Variants in GNA12 observed in about 807,000 individuals in gnomAD.
GNA12 encodes G protein subunit alpha 12.
A neutral mutation model predicts 26.0 loss-of-function variants in GNA12; 9 were observed. The ratio of observed to expected loss-of-function variants is 0.35; its 90% CI spans 0.21 to 0.60. The LOEUF is 0.60. Ranked by LOEUF, GNA12 falls within the 20% of genes least tolerant of loss-of-function variation. The pLI is 0.78. For missense variants in GNA12, 405 were observed against 525.8 expected (o/e 0.77, Z 2.25); for synonymous variants, 264 against 219.6 (o/e 1.20, Z -1.79).
chr7:2,799,339 T>A (rs1179995446), intron 1 of GNA12, among the ~76,000 whole-genome samples: 2 of 152,102 alleles, frequency 1.3e-5, no homozygotes, highest in African/African-American at 4.8e-5. Flanking sequence ...CAACACTTTG[T>A]GAGGCTGAGG....
intron 2 of GNA12, chr7:2,762,183 G>A (rs984538007): frequency 1.2e-5 from 2 of 163,430 alleles, no homozygotes; most frequent in Non-Finnish European, 2.6e-5. Context: ...GAGGTGGAGG[G>A]GTCAACCCAG....
At chr7:2,787,068 G>C (rs1387114770) in intron 2 of GNA12, among the ~76,000 whole-genome samples, 1 of 152,010 alleles carries the variant, frequency 6.6e-6, no homozygotes, top group Non-Finnish European at 1.5e-5. Context: ...GACAAGCGGT[G>C]GGCTCCCCAG....
chr7:2,800,766 G>T (rs940047944), intron 1 of GNA12, among the ~76,000 whole-genome samples: 1 of 152,170 alleles, frequency 6.6e-6, no homozygotes, highest in Admixed American at 6.5e-5. Context: ...AGTGGCAGTG[G>T]TGGACTGGAA....
At chr7:2,812,498 G>A (rs1327538040) in intron 1 of GNA12, among the ~76,000 whole-genome samples, 3 of 152,148 alleles carry the variant, frequency 2.0e-5, no homozygotes, top group Non-Finnish European at 4.4e-5. Flanking sequence ...GTGTGGTGGC[G>A]CATGCCTGTA....
Position 2,732,837 on chromosome 7 carries a change from C to T in GNA12, c.576+614G>A, listed in dbSNP as rs528965693. Among the ~76,000 whole-genome samples the T allele has an allele frequency of 9.8e-5, 15 of 152,336 alleles. 1 individual carries two copies. In the South Asian group the frequency reaches 2.7e-3, roughly 27 times the overall value. ...AAAAGGAGAGACATACAGATTAACA[C>T]TTAAGTGATCCTGACCAATGGCAAT... On this transcript the variant is annotated intron_variant, in intron 3 of 3. Transcript: ENST00000275364.
intron 2 of GNA12, among the ~76,000 whole-genome samples, chr7:2,779,963 A>T (rs1304235122): frequency 6.6e-6 from 1 of 151,266 alleles, no homozygotes; most frequent in African/African-American, 2.4e-5. Context: ...TTTCATAAAC[A>T]TATATAAAAA....
At chr7:2,764,942 A>G (rs1232962317) in intron 2 of GNA12, 3 of 152,246 alleles carry the variant, frequency 2.0e-5, no homozygotes, top group African/African-American at 7.2e-5. Context: ...GCGTTGAGGT[A>G]GGTCAACTGC....
At chr7:2,753,101 T>C (rs1246767163) in intron 2 of GNA12, among the ~76,000 whole-genome samples, 1 of 152,178 alleles carries the variant, frequency 6.6e-6, no homozygotes, top group African/African-American at 2.4e-5. Context: ...TTTCTGTTCC[T>C]ATAGTTTTGC....
intron 2 of GNA12, among the ~76,000 whole-genome samples, chr7:2,771,403 C>A (rs1409288787): frequency 6.6e-6 from 1 of 152,216 alleles, no homozygotes; most frequent in Non-Finnish European, 1.5e-5. Flanking sequence ...CAGCCAAGAT[C>A]ATGAGCAAAC....
intron 2 of GNA12, among the ~76,000 whole-genome samples, chr7:2,750,106 C>T (rs1246307155): frequency 2.0e-5 from 3 of 152,200 alleles, no homozygotes; most frequent in Admixed American, 6.5e-5. Context: ...CTATACCACA[C>T]ACTTCTGAAT....
At chr7:2,837,948 C>T (rs1477806922) in intron 1 of GNA12, among the ~76,000 whole-genome samples, 3 of 151,984 alleles carry the variant, frequency 2.0e-5, no homozygotes, top group African/African-American at 7.2e-5. Context: ...AGTAAACCAC[C>T]TGATGTGGCA....
At position 2,814,961 on chromosome 7, in the gene GNA12, G is replaced by A. The variant is rs749368685; in HGVS notation, c.310-19818C>T. The A allele has an allele frequency of 1.9e-5, 30 of 1,565,128 alleles. No individual in the cohort carries two copies. The Middle Eastern group carries it at 9.9e-4, about 52-fold the overall frequency. On this transcript the variant is annotated intron_variant, in intron 1 of 3. Transcript: ENST00000275364. Reference sequence around the variant, plus strand: ...ATGCCTACAATACAGTAGGCGCTCTGCACTCGGCATGGCTGACAAGGACGT... The same window carrying A: ...ATGCCTACAATACAGTAGGCGCTCTACACTCGGCATGGCTGACAAGGACGT...
intron 1 of GNA12, among the ~76,000 whole-genome samples, chr7:2,813,442 C>T (rs1202569967): frequency 6.6e-6 from 1 of 152,166 alleles, no homozygotes; most frequent in Non-Finnish European, 1.5e-5. Context: ...AACAGAAGTT[C>T]CCAGTCAGTG....
intron 3 of GNA12, 95 bp downstream of exon 3, chr7:2,733,356 T>TCCAG: frequency 1.0e-6 from 1 of 980,128 alleles, no homozygotes; most frequent in South Asian, 1.4e-5. Flanking sequence ...GGCCTGTCAG[T>TCCAG]CCAGCCAAAG....
At chr7:2,735,793 G>C (rs559875344) in intron 2 of GNA12, among the ~76,000 whole-genome samples, 1 of 152,306 alleles carries the variant, frequency 6.6e-6, no homozygotes, top group Admixed American at 6.5e-5. Flanking sequence ...TGTCAGGGCG[G>C]CCTCATCTCG....
chr7:2,759,266 C>T (rs950711644), intron 2 of GNA12, among the ~76,000 whole-genome samples: 3 of 151,984 alleles, frequency 2.0e-5, no homozygotes, highest in Non-Finnish European at 2.9e-5. Context: ...TTATACTGTC[C>T]TTATTTACAT....
chr7:2,826,494 T>C (rs1793488597), intron 1 of GNA12, among the ~76,000 whole-genome samples: 3 of 152,188 alleles, frequency 2.0e-5, no homozygotes, highest in Admixed American at 6.5e-5. Context: ...ACACAGGTGT[T>C]TACCACAGCT....
rs922157240 is a variant in GNA12 at position 2,730,823 on chromosome 7, G to C, written c.*358C>G. 3 of 196,440 alleles carry C rather than the reference G, an allele frequency of 1.5e-5. No individual in the cohort carries two copies. Among genetic ancestry groups the C allele is most frequent in the African/African-American group, 2.3e-5 (1 of 42,792 alleles). 12.2% of individuals were successfully genotyped at this position (196,440 alleles called of 1,614,324 possible). On this transcript the variant is annotated 3_prime_UTR_variant, in exon 4 of 4. Coordinates refer to ENST00000275364, the MANE Select transcript of GNA12 (RefSeq NM_007353.3). ...TTGTGTTTCTGTCATTAAAGACAGA[G>C]CGTGTGTACACACATACACACACAA...
chr7:2,775,595 G>C (rs1792056913), intron 2 of GNA12: 1 of 152,214 alleles, frequency 6.6e-6, no homozygotes, highest in African/African-American at 2.4e-5. Context: ...CCTGGTCTAT[G>C]GGCATCTGCG....
Sources: allele counts gnomAD v4.1 joint callset (sites outside exome capture counted in the v4.1 genomes callset), GRCh38; gene constraint gnomAD v4.1.1; transcripts MANE v1.5; gene names NCBI Gene and HGNC (gene_info 2026-07-23, HGNC 2026-07-21).